ADAMTS6: variants seen among roughly 807,000 people sequenced by gnomAD.
ADAMTS6 encodes A disintegrin and metalloproteinase with thrombospondin motifs 6.
In ADAMTS6, 23 loss-of-function variants were observed where a neutral mutation model predicts 144.3. The observed-to-expected ratio is 0.16, with a 90% CI of 0.11 to 0.23. The LOEUF is 0.23. ADAMTS6 is among the 10% of genes least tolerant of loss of function. The pLI is 1.00. For missense variants in ADAMTS6, 999 were observed against 1,379.6 expected (o/e 0.72, Z 4.37); for synonymous variants, 444 against 457.5 (o/e 0.97, Z 0.38).
At chr5:65,425,682 A>C (rs1756448252) in intron 7 of ADAMTS6, among the ~76,000 whole-genome samples, 1 of 152,146 alleles carries the variant, frequency 6.6e-6, no homozygotes, top group African/African-American at 2.4e-5. Flanking sequence ...TTCCTAGGAC[A>C]TTATTATCTT....
intron 14 of ADAMTS6, among the ~76,000 whole-genome samples, chr5:65,254,495 G>A (rs567687150): frequency 7.6e-4 from 116 of 152,262 alleles, no homozygotes; most frequent in African/African-American, 2.7e-3. Flanking sequence ...GAAAAAATAA[G>A]GAAAGCTTAT....
rs760904967 is a variant in ADAMTS6, at chr5:65,472,545, G to C, written c.97+1032C>G. On this transcript the variant is annotated intron_variant, in intron 2 of 24. Transcript: ENST00000381055. ...TAAAAACAGCTTGACTAAAATTTCA[G>C]AGAACTAAATGAGGAACATATTTTC... 5.3e-4 allele frequency among the ~76,000 whole-genome samples: 81 copies of C among 152,072 alleles called. 1 individual carries two copies. Among genetic ancestry groups the C allele is most frequent in the Non-Finnish European group, 1.0e-3 (70 of 68,006 alleles).
At position 65,226,176 on chromosome 5, in the gene ADAMTS6, A is replaced by G. The variant is rs1757707927; in HGVS notation, c.1977T>C (p.Tyr659=). 6.2e-7 allele frequency: 1 copy of G among 1,613,880 alleles called. No homozygotes were observed. Among genetic ancestry groups the G allele is most frequent in the Non-Finnish European group, 8.5e-7 (1 of 1,179,852 alleles). Residue 659 remains tyrosine, a synonymous_variant, in exon 16 of 25, where the codon TAT becomes TAC. Coordinates refer to ENST00000381055, the MANE Select transcript of ADAMTS6 (RefSeq NM_197941.4). ...PCALNCLAEG[Y]NFYTERAPAV... ...CAGGAGCACGTTCAGTGTAGAAATT[A>G]TAACCTTCAGCCAAGCAGTTTAATG...
intron 3 of ADAMTS6, among the ~76,000 whole-genome samples, chr5:65,467,731 C>A (rs985698773): frequency 5.9e-5 from 9 of 152,136 alleles, no homozygotes; most frequent in Non-Finnish European, 1.0e-4. Context: ...TAGACACAGA[C>A]TCAGAAACTT....
intron 18 of ADAMTS6, among the ~76,000 whole-genome samples, chr5:65,218,147 T>A (rs1210118491): frequency 2.0e-5 from 3 of 152,112 alleles, no homozygotes; most frequent in Non-Finnish European, 4.4e-5. Flanking sequence ...ATGTATAGGA[T>A]AAAATTACAT....
intron 24 of ADAMTS6, among the ~76,000 whole-genome samples, chr5:65,154,594 C>T (rs1373972710): frequency 2.6e-5 from 4 of 152,260 alleles, no homozygotes; most frequent in South Asian, 2.1e-4. Flanking sequence ...TCTGCCTCTT[C>T]TAGGAGTTGA....
intron 7 of ADAMTS6, among the ~76,000 whole-genome samples, chr5:65,431,305 G>A (rs1756984311): frequency 6.6e-6 from 1 of 152,050 alleles, no homozygotes; most frequent in Admixed American, 6.6e-5. Flanking sequence ...ATGCCATATT[G>A]TATCATTTTA....
At chr5:65,442,868 C>T (rs1171337866) in intron 7 of ADAMTS6, among the ~76,000 whole-genome samples, 2 of 152,104 alleles carry the variant, frequency 1.3e-5, no homozygotes, top group African/African-American at 2.4e-5. Context: ...TGTGTTGTTC[C>T]CCTCCCTGTG....
intron 11 of ADAMTS6, among the ~76,000 whole-genome samples, chr5:65,288,527 C>T (rs1741964866): frequency 6.6e-6 from 1 of 152,010 alleles, no homozygotes; most frequent in Non-Finnish European, 1.5e-5. Context: ...ACCATGTTAG[C>T]CAGGATGGTC....
intron 18 of ADAMTS6, among the ~76,000 whole-genome samples, chr5:65,223,043 CA>C (rs1245203594): frequency 6.6e-6 from 1 of 151,474 alleles, no homozygotes; most frequent in Non-Finnish European, 1.5e-5. Flanking sequence ...CACTTCACTA[CA>C]AAAAAATCCA....
intron 6 of ADAMTS6, 121 bp from the exon 7 acceptor site, chr5:65,451,741 C>A: frequency 8.5e-7 from 1 of 1,183,118 alleles, no homozygotes; most frequent in Non-Finnish European, 1.2e-6. Flanking sequence ...TAATCTCTTG[C>A]CAATTTTTAT....
rs1411327413 is a variant in ADAMTS6 at position 65,172,935 on chromosome 5, A to T, written c.2984T>A (p.Phe995Tyr). The T allele has an allele frequency of 2.5e-6, 4 of 1,614,192 alleles. No homozygotes were observed. Among genetic ancestry groups the T allele is most frequent in the East Asian group, 2.2e-5 (1 of 44,884 alleles). The change falls in exon 23 of 25, where the codon TTC becomes TAC. Residue 995 changes from phenylalanine to tyrosine, a missense_variant. By Grantham distance (22) the Phe-to-Tyr change is conservative (BLOSUM62 3). Around this residue, in one of 3 missense-constraint regions of ADAMTS6, gnomAD observed 619 missense variants for 837.0 expected, o/e 0.74. Coordinates refer to ENST00000381055, the MANE Select transcript of ADAMTS6 (RefSeq NM_197941.4). ...LCKSSDLSKT[F>Y]PAAQCPEESK... ...TTCCTCTGGACATTGTGCAGCTGGG[A>T]ATGTCTTAGAAAGGTCACTGCTCTT...
intron 15 of ADAMTS6, among the ~76,000 whole-genome samples, chr5:65,239,410 G>A (rs1758974750): frequency 1.3e-5 from 2 of 152,130 alleles, no homozygotes; most frequent in Admixed American, 1.3e-4. Flanking sequence ...AAATTATTTT[G>A]AGATAGATCA....
chr5:65,215,460 T>C lies in ADAMTS6; in HGVS notation c.2300A>G (p.Tyr767Cys), dbSNP rs1197966258. 3.1e-6 allele frequency: 5 copies of C among 1,610,076 alleles called. No homozygotes were observed. Among genetic ancestry groups the C allele is most frequent in the Admixed American group, 1.7e-5 (1 of 59,018 alleles). ...GTCAATAGTCCAGGCACCATTAATA[T>C]AGTAATCATCTCCTTCAGATTTTAA... The part of the protein sequence containing the change: ...IALKSEGDDY[Y>C]INGAWTIDWP... The change falls in exon 19 of 25, where the codon TAT becomes TGT. Residue 767 changes from tyrosine to cysteine, a missense_variant. Coordinates refer to ENST00000381055, the MANE Select transcript of ADAMTS6 (RefSeq NM_197941.4).
intron 22 of ADAMTS6, among the ~76,000 whole-genome samples, chr5:65,183,195 C>T (rs1390124506): frequency 2.0e-5 from 3 of 152,142 alleles, no homozygotes; most frequent in African/African-American, 4.8e-5. Flanking sequence ...TTTATATTTA[C>T]TTATTCCTTC....
At chr5:65,242,272 C>CCTTG in intron 14 of ADAMTS6, 66 bp from the exon 15 acceptor site, 1 of 1,207,672 alleles carries the variant, frequency 8.3e-7, no homozygotes, top group Non-Finnish European at 1.2e-6. Flanking sequence ...GGACAATGTC[C>CCTTG]CTAAAATGAA....
intron 14 of ADAMTS6, among the ~76,000 whole-genome samples, chr5:65,249,067 T>C (rs1028152800): frequency 2.6e-5 from 4 of 151,986 alleles, no homozygotes; most frequent in Admixed American, 1.3e-4. Flanking sequence ...GGTAGTTAGA[T>C]AGGCATGAGC....
chr5:65,461,167 A>G (rs1330403120), intron 3 of ADAMTS6, among the ~76,000 whole-genome samples: 1 of 152,156 alleles, frequency 6.6e-6, no homozygotes, highest in Admixed American at 6.5e-5. Context: ...TCCTCTTTAA[A>G]AACCTTCTCT....
chr5:65,221,598 C>T (rs1481535187), intron 18 of ADAMTS6, among the ~76,000 whole-genome samples: 1 of 152,112 alleles, frequency 6.6e-6, no homozygotes, highest in African/African-American at 2.4e-5. Flanking sequence ...AAAAGGCTGC[C>T]TAGTCTCCTC....
Sources: allele counts gnomAD v4.1 joint callset (sites outside exome capture counted in the v4.1 genomes callset), GRCh38; gene constraint gnomAD v4.1.1; regional missense constraint gnomAD v4.1.1; transcripts MANE v1.5; gene names NCBI Gene and HGNC (gene_info 2026-07-23, HGNC 2026-07-21).